ITGAE: variants seen among roughly 807,000 people sequenced by gnomAD.
ITGAE encodes integrin subunit alpha E, also known as integrin alpha-E.
ITGAE carries 99 observed loss-of-function variants against 136.5 expected under a neutral mutation model. That is an observed-to-expected ratio of 0.73 (90% confidence interval 0.62 to 0.86). ITGAE has a LOEUF of 0.86. Among genes scored for constraint, ITGAE ranks in the 40% least tolerant of loss-of-function variants. The probability of loss-of-function intolerance (pLI) is 0.00; values close to 1 mark genes in which losing one functional copy is unlikely to be tolerated. For missense variants in ITGAE, 1,447 were observed against 1,515.3 expected (o/e 0.95, Z 0.75); for synonymous variants, 613 against 591.8 (o/e 1.04, Z -0.52).
In ITGAE at chr17:3,754,612, C is replaced by T. The variant is rs1597335534; in HGVS notation, c.1384+505G>A. 11 of 152,974 alleles carry T rather than the reference C, an allele frequency of 7.2e-5. No homozygotes were observed. The South Asian group carries it at 1.7e-3, about 24-fold the overall frequency. The allele number at this position is 152,974 out of a possible 1,614,324, so 9.5% of individuals were successfully genotyped here. A position where few individuals can be genotyped will look rare whatever the true frequency, so the allele number is the denominator to read the frequency against. The stretch of plus-strand genomic sequence containing the variant: ...GGTGGCTGCTGTGCCTGGTGTGTAC[C>T]TGACAGGCCTTGTACCTACCCAGGA... On this transcript the variant is annotated intron_variant, in intron 12 of 30. Transcript: ENST00000263087.
At chr17:3,734,157 G>A (rs1045169532) in intron 21 of ITGAE, among the ~76,000 whole-genome samples, 5 of 152,108 alleles carry the variant, frequency 3.3e-5, no homozygotes, top group East Asian at 1.9e-4. Flanking sequence ...TGCAAGCTCC[G>A]CCTCCCGGGT....
At chr17:3,724,212 A>C in intron 26 of ITGAE, 1 of 1,593,176 alleles carries the variant, frequency 6.3e-7, no homozygotes, top group South Asian at 1.1e-5. Flanking sequence ...GGACCGGCCC[A>C]GCCTGACCGT....
At position 3,723,363 on chromosome 17, in the gene ITGAE, T is replaced by C. The variant is rs940910978; in HGVS notation, c.3162A>G (p.Ser1054=). 2 of 1,613,326 alleles carry C rather than the reference T, an allele frequency of 1.2e-6. No individual in the cohort carries two copies. Among genetic ancestry groups the C allele is most frequent in the South Asian group, 1.1e-5 (1 of 91,076 alleles). The part of the protein sequence containing the change: ...SSVQHVEEWH[S]VSCVIASDKE... ...TATCTGAAGCGATGACACAGCTCAC[T>C]GAATGCCATTCTTCCACATGCTGGA... The change falls in exon 28 of 31, where the codon TCA becomes TCG. Residue 1054 remains serine (S), a synonymous_variant. Coordinates refer to ENST00000263087, the MANE Select transcript of ITGAE (RefSeq NM_002208.5).
At chr17:3,796,509 C>T (rs900245092) in intron 1 of ITGAE, among the ~76,000 whole-genome samples, 33 of 152,230 alleles carry the variant, frequency 2.2e-4, no homozygotes, top group Middle Eastern at 3.4e-3. Context: ...GGGCGATACG[C>T]GGCCCCAGGT....
chr17:3,766,851 C>A (rs2052312206), intron 2 of ITGAE, among the ~76,000 whole-genome samples: 1 of 148,492 alleles, frequency 6.7e-6, no homozygotes, highest in African/African-American at 2.5e-5. Flanking sequence ...AATAATAAAC[C>A]TGTGTTGTTG....
At chr17:3,754,126 G>C (rs1275445646) in intron 12 of ITGAE, among the ~76,000 whole-genome samples, 1 of 152,140 alleles carries the variant, frequency 6.6e-6, no homozygotes. Context: ...CCATCACACA[G>C]ATATGATGCA....
intron 12 of ITGAE, 53 bp from the exon 13 acceptor site, chr17:3,753,978 CT>C (rs2051939188): frequency 6.3e-7 from 1 of 1,582,556 alleles, no homozygotes; most frequent in East Asian, 2.3e-5. Context: ...CACCTGGCCT[CT>C]CTCTTGGCCC....
At chr17:3,736,493 A>G (rs2051462068) in intron 20 of ITGAE, among the ~76,000 whole-genome samples, 1 of 152,114 alleles carries the variant, frequency 6.6e-6, no homozygotes, top group Non-Finnish European at 1.5e-5. Flanking sequence ...TGCACTGGAG[A>G]ACAGTGTGCA....
chr17:3,739,890 C>T lies in ITGAE; in HGVS notation c.2449-12G>A. 1 of 1,611,058 alleles carries T rather than the reference C, an allele frequency of 6.2e-7. No individual in the cohort carries two copies. The highest frequency in any genetic ancestry group is 2.2e-5 in the East Asian group (1 of 44,874). ...TTCTCATAGGGCAGCTGTAACCAGA[C>T]AGAGAGTCCCGATCAGCCCAGGCTC... is the stretch of plus-strand genomic sequence containing the variant. On this transcript the variant is annotated splice_polypyrimidine_tract_variant and intron_variant, in intron 19 of 30. Coordinates refer to ENST00000263087, the MANE Select transcript of ITGAE (RefSeq NM_002208.5).
intron 1 of ITGAE, 27 bp from the exon 2 acceptor site, chr17:3,777,687 G>C: frequency 6.3e-7 from 1 of 1,588,972 alleles, no homozygotes; most frequent in Non-Finnish European, 8.6e-7. Flanking sequence ...AGCGTTTAAT[G>C]AAAGAGGCCT....
At chr17:3,757,175 A>T in intron 9 of ITGAE, 41 bp from the exon 10 acceptor site, 1 of 1,602,720 alleles carries the variant, frequency 6.2e-7, no homozygotes, top group Non-Finnish European at 8.5e-7. Flanking sequence ...CGCTGCGTGG[A>T]TTCCCCAGGC....
intron 28 of ITGAE, among the ~76,000 whole-genome samples, chr17:3,722,720 AGATCAAGTACTGCCTTGCTCTGGCCAT>A (rs1320928443): frequency 2.0e-5 from 3 of 152,198 alleles, no homozygotes; most frequent in Non-Finnish European, 4.4e-5. Context: ...AGCAGAGACC[AGATCAAGTACTGCCTTGCTCTGGCCAT>A]GAAAAAAGTA....
intron 20 of ITGAE, 46 bp downstream of exon 20, chr17:3,739,759 T>C: frequency 6.5e-7 from 1 of 1,534,500 alleles, no homozygotes; most frequent in South Asian, 1.1e-5. Context: ...AGGCAAGCGT[T>C]CGGGAGAAGG....
At position 3,724,510 on chromosome 17, in the gene ITGAE, C is replaced by T. The variant is rs777034278; in HGVS notation, c.3085-766G>A. On this transcript the variant is annotated intron_variant, in intron 26 of 30. Coordinates refer to ENST00000263087, the MANE Select transcript of ITGAE (RefSeq NM_002208.5). Reference sequence around the variant, plus strand: ...GACAGTGTCATCTCGATCGGCACCTCCGCCTGTCTGGTTGCAGCCTCAGCC... The same window carrying T: ...GACAGTGTCATCTCGATCGGCACCTTCGCCTGTCTGGTTGCAGCCTCAGCC... 6.8e-6 allele frequency: 11 copies of T among 1,613,950 alleles called. No individual in the cohort carries two copies. In the Admixed American group the frequency reaches 1.3e-4, roughly 20 times the overall value.
intron 4 of ITGAE, 71 bp from the exon 5 acceptor site, chr17:3,761,591 A>C: frequency 2.1e-6 from 3 of 1,403,162 alleles, no homozygotes; most frequent in Non-Finnish European, 3.0e-6. Flanking sequence ...CCACATTCTC[A>C]CCCCCATTCC....
chr17:3,738,180 C>A lies in ITGAE; in HGVS notation c.2522+1625G>T, dbSNP rs146462070. Among the ~76,000 whole-genome samples, 1,341 of 151,892 alleles carry A rather than the reference C, an allele frequency of 8.8e-3. 17 individuals carry two copies. The highest frequency in any genetic ancestry group is 0.012 in the Non-Finnish European group (823 of 67,940). ...TTTGTTTTGTTTTGTTACCCTCCCC[C>A]CCTCCCCGTTTTTGGAGTCTTGCTC... On this transcript the variant is annotated intron_variant, in intron 20 of 30. Transcript: ENST00000263087.
At chr17:3,739,933 C>T (rs2051545929) in intron 19 of ITGAE, 55 bp from the exon 20 acceptor site, 1 of 1,400,718 alleles carries the variant, frequency 7.1e-7, no homozygotes, top group South Asian at 1.2e-5. Flanking sequence ...CCCAGCAGCC[C>T]TGCCTCCGGC....
chr17:3,790,189 G>A (rs1481314075), intron 1 of ITGAE, among the ~76,000 whole-genome samples: 2 of 152,014 alleles, frequency 1.3e-5, no homozygotes, highest in African/African-American at 2.4e-5. Flanking sequence ...GAGTACCAAG[G>A]CTTTAAAACA....
At chr17:3,770,413 AG>A (rs1397537956) in intron 2 of ITGAE, among the ~76,000 whole-genome samples, 1 of 151,898 alleles carries the variant, frequency 6.6e-6, no homozygotes, top group African/African-American at 2.4e-5. Flanking sequence ...TACGGGTGTG[AG>A]CCCCCATGCC....
Sources: allele counts gnomAD v4.1 joint callset (sites outside exome capture counted in the v4.1 genomes callset), GRCh38; gene constraint gnomAD v4.1.1; transcripts MANE v1.5; gene names NCBI Gene and HGNC (gene_info 2026-07-23, HGNC 2026-07-21).